The following EFCAB6 variants were observed in gnomAD, a reference collection of about 807,000 sequenced individuals.
The protein encoded by EFCAB6 is EF-hand calcium-binding domain-containing protein 6.
EFCAB6 carries 156 observed loss-of-function variants against 169.8 expected under a neutral mutation model. The observed-to-expected ratio is 0.92, with a 90% confidence interval of 0.81 to 1.05. The LOEUF (loss-of-function observed/expected upper bound fraction) is 1.05, where lower values mean the gene tolerates loss of function less well. Among genes scored for constraint, EFCAB6 ranks in the 50% least tolerant of loss-of-function variants. The pLI, the probability that EFCAB6 is intolerant of heterozygous loss-of-function variation, is 0.00. For missense variants in EFCAB6, 1,800 were observed against 1,829.1 expected, an observed-to-expected ratio of 0.98 and a Z score of 0.29; for synonymous variants, 698 against 676.4, an observed-to-expected ratio of 1.03 and a Z score of -0.50.
In EFCAB6 at chr22:43,537,503, G is replaced by A. The variant is rs777767174; in HGVS notation, c.3922C>T (p.Gln1308Ter). 2.5e-6 allele frequency: 4 copies of A among 1,613,982 alleles called. No individual in the cohort carries two copies. Among genetic ancestry groups the A allele is most frequent in the Non-Finnish European group, 3.4e-6 (4 of 1,180,022 alleles). The change falls in exon 29 of 32, where the codon CAG becomes TAG. Residue 1308 changes from glutamine (Q) to a stop codon, truncating the protein, a stop_gained. Transcript: ENST00000262726. LOFTEE classifies it high-confidence loss of function. The surrounding 1 kb of genome is among the most constrained non-coding windows in gnomAD (Gnocchi z 4.3). The stretch of plus-strand genomic sequence containing the variant: ...CTGCTCTCTATGGGATCACAGTTCT[G>A]CAAGGGTGGAGTGCCCGGGATCACG... ...TTVIPGTPPL[Q>*]NCDPIESRLR...
chr22:43,642,229 C>T (rs1001839073), intron 17 of EFCAB6, among the ~76,000 whole-genome samples: 3 of 152,234 alleles, frequency 2.0e-5, no homozygotes, highest in African/African-American at 4.8e-5. Flanking sequence ...GCATGAGCCA[C>T]CATTCCCGGC....
intron 10 of EFCAB6, among the ~76,000 whole-genome samples, chr22:43,704,951 C>T (rs1336398960): frequency 1.3e-5 from 2 of 152,122 alleles, no homozygotes; most frequent in South Asian, 2.1e-4. Flanking sequence ...ATAAAAAAGA[C>T]ATAGAGTGAC....
intron 12 of EFCAB6, among the ~76,000 whole-genome samples, chr22:43,680,961 C>T (rs1394080334): frequency 6.6e-6 from 1 of 152,070 alleles, no homozygotes; most frequent in Non-Finnish European, 1.5e-5. Context: ...ATTTCTTTTT[C>T]TTTCTCGATT....
intron 1 of EFCAB6, 22 bp downstream of exon 1, chr22:43,812,146 G>C (rs1244854502): frequency 3.9e-5 from 6 of 152,240 alleles, no homozygotes; most frequent in Non-Finnish European, 7.3e-5. Flanking sequence ...CACGCGCGTG[G>C]CCACCCCGAA....
chr22:43,780,658 T>C (rs188288866), intron 3 of EFCAB6, among the ~76,000 whole-genome samples: 2 of 152,268 alleles, frequency 1.3e-5, no homozygotes, highest in Admixed American at 6.5e-5. Context: ...ATGATGTATT[T>C]TGATGTCAGA....
intron 10 of EFCAB6, among the ~76,000 whole-genome samples, chr22:43,705,155 G>C (rs2058909545): frequency 6.6e-6 from 1 of 151,762 alleles, no homozygotes; most frequent in Non-Finnish European, 1.5e-5. Context: ...ATGATAAAGG[G>C]GTCACTTCAT....
Position 43,628,087 on chromosome 22 carries a change from CCT to C in EFCAB6, c.2233-1410_2233-1409del, listed in dbSNP as rs1329228556. ...ACTCTCAGCCCCAAGCCGCCACCCC[CCT>C]GACCCACAGCCTCACATCTCCAGTG... On this transcript the variant is annotated intron_variant, in intron 19 of 31. Coordinates refer to ENST00000262726, the MANE Select transcript of EFCAB6 (RefSeq NM_022785.4). This position sits in a 1 kb window ranked among gnomAD's most constrained non-coding sequence, Gnocchi z 4.8. Among the ~76,000 whole-genome samples, 2 of 152,172 alleles carry C rather than the reference CCT, an allele frequency of 1.3e-5. No individual in the cohort carries two copies. The highest frequency in any genetic ancestry group is 3.9e-4 in the East Asian group (2 of 5,162).
At chr22:43,640,956 G>A (rs934979073) in intron 17 of EFCAB6, among the ~76,000 whole-genome samples, 16 of 152,074 alleles carry the variant, frequency 1.1e-4, no homozygotes, top group Non-Finnish European at 1.8e-4. Flanking sequence ...GAGCCTTCTC[G>A]GTCCTCCCCA....
At chr22:43,771,427 C>A (rs1281241140) in intron 4 of EFCAB6, among the ~76,000 whole-genome samples, 3 of 151,224 alleles carry the variant, frequency 2.0e-5, no homozygotes, top group African/African-American at 7.3e-5. Context: ...GAGACTCCAT[C>A]AAAAAATAAA....
chr22:43,702,456 A>C (rs2058801434), intron 10 of EFCAB6, among the ~76,000 whole-genome samples: 1 of 152,246 alleles, frequency 6.6e-6, no homozygotes. Flanking sequence ...AAAGGGTAGA[A>C]GAAATGGTCT....
chr22:43,624,212 G>A (rs1329362185), intron 20 of EFCAB6, among the ~76,000 whole-genome samples: 1 of 152,198 alleles, frequency 6.6e-6, no homozygotes, highest in East Asian at 1.9e-4. Context: ...TGGCCAGGGT[G>A]GGCTTAGCTT....
At chr22:43,760,227 G>GA (rs869188953) in intron 5 of EFCAB6, among the ~76,000 whole-genome samples, 3 of 90,136 alleles carry the variant, frequency 3.3e-5, no homozygotes, top group Non-Finnish European at 7.8e-5. Context: ...AAAGAAAAAA[G>GA]AAAAAAAAAG....
intron 26 of EFCAB6, among the ~76,000 whole-genome samples, chr22:43,556,219 G>C (rs1364048997): frequency 3.3e-5 from 5 of 152,096 alleles, no homozygotes; most frequent in Admixed American, 3.3e-4. Flanking sequence ...AGGGGTCAGG[G>C]GTGGGGGGAA....
At chr22:43,567,264 G>A (rs2049507283) in intron 26 of EFCAB6, among the ~76,000 whole-genome samples, 1 of 152,088 alleles carries the variant, frequency 6.6e-6, no homozygotes, top group Non-Finnish European at 1.5e-5. Context: ...TCCTCCAGTA[G>A]CATGGAATTG....
rs1321359879 is a variant in EFCAB6 at position 43,528,958 on chromosome 22, G to A, written c.4401C>T (p.Ser1467=). 2 of 1,596,012 alleles carry A rather than the reference G, an allele frequency of 1.3e-6. No individual in the cohort carries two copies. The highest frequency in any genetic ancestry group is 1.7e-6 in the Non-Finnish European group (2 of 1,165,242). The change falls in exon 32 of 32, where the codon AGC becomes AGT. Residue 1467 remains serine, a synonymous_variant. Transcript: ENST00000262726. ...AGAACTCTTCCTCAGAGAGGTTGAT[G>A]CTGTACTGTCTCAGGACCTGGAAGA... ...ADFRTVLRQY[S]INLSEEEFFH... is the part of the protein sequence containing the mutation.
intron 3 of EFCAB6, among the ~76,000 whole-genome samples, chr22:43,776,801 G>A (rs1401105806): frequency 6.6e-6 from 1 of 152,188 alleles, no homozygotes; most frequent in East Asian, 1.9e-4. Context: ...CTGCAGAAAG[G>A]ATGGCATTTT....
rs188802173 is a variant in EFCAB6 at position 43,788,769 on chromosome 22, A to G, written c.-7-6444T>C. Reference sequence around the variant, plus strand: ...ACTGAAAACATACATCCATCAAAAAAAAGTTGTACTTAAATATTCATAGCA... The same window carrying G: ...ACTGAAAACATACATCCATCAAAAAGAAGTTGTACTTAAATATTCATAGCA... On this transcript the variant is annotated intron_variant, in intron 2 of 31. Coordinates refer to ENST00000262726, the MANE Select transcript of EFCAB6 (RefSeq NM_022785.4). 1.2e-4 allele frequency among the ~76,000 whole-genome samples: 19 copies of G among 152,364 alleles called. No homozygotes were observed. In the East Asian group the frequency reaches 3.3e-3, roughly 26 times the overall value.
chr22:43,535,067 A>G, intron 29 of EFCAB6, 195 bp from the exon 30 acceptor site: 1 of 594,532 alleles, frequency 1.7e-6, no homozygotes, highest in Non-Finnish European at 2.9e-6. Flanking sequence ...AGGGAGGGGG[A>G]CCCTGAGTCC....
intron 28 of EFCAB6, among the ~76,000 whole-genome samples, chr22:43,539,356 G>A (rs906322470): frequency 1.3e-5 from 2 of 152,152 alleles, no homozygotes; most frequent in Non-Finnish European, 2.9e-5. Flanking sequence ...ACCCCTAAAA[G>A]AACACAAACT....
Sources: gnomAD v4.1 joint callset for allele counts (sites outside exome capture counted in the v4.1 genomes callset) on GRCh38, gnomAD v4.1.1 for gene constraint, Gnocchi (gnomAD v3.1) non-coding constraint, MANE v1.5 for transcripts, NCBI Gene and HGNC (gene_info 2026-07-23, HGNC 2026-07-21) for gene names.